PEMT: variants seen among roughly 807,000 people sequenced by gnomAD.
The protein encoded by PEMT is phosphatidylethanolamine N-methyltransferase.
In PEMT, 23 loss-of-function variants were observed where a neutral mutation model predicts 27.4. The ratio of observed to expected loss-of-function variants is 0.84; its 90% confidence interval spans 0.60 to 1.19. PEMT has a LOEUF of 1.19. Ranked by LOEUF, PEMT falls within the 50% of genes most tolerant of loss-of-function variation. PEMT has a pLI of 0.00. For missense variants in PEMT, 307 were observed against 310.1 expected (o/e 0.99, Z 0.07); for synonymous variants, 137 against 139.1 (o/e 0.98, Z 0.11).
chr17:17,585,858 G>C (rs1345279322), intron 1 of PEMT, among the ~76,000 whole-genome samples: 1 of 151,946 alleles, frequency 6.6e-6, no homozygotes, highest in African/African-American at 2.4e-5. Flanking sequence ...TGAGGCGGGC[G>C]TATCATGAAG....
intron 4 of PEMT, among the ~76,000 whole-genome samples, chr17:17,511,041 C>G (rs369798905): frequency 1.3e-4 from 20 of 152,194 alleles, no homozygotes; most frequent in Admixed American, 3.3e-4. Flanking sequence ...TGGGACCCCC[C>G]CTATGGCTCC....
rs565032482 is a variant in PEMT, at chr17:17,520,276, GC to G, written c.320+2003del. On this transcript the variant is annotated intron_variant, in intron 3 of 6. Transcript: ENST00000255389. ...CACTCTGCCGGTGGCCCAAGAGGCA[GC>G]ATGGGTAGGAAAGAGGCCCATCTCC... 1.2e-4 allele frequency among the ~76,000 whole-genome samples: 19 copies of G among 152,310 alleles called. No individual in the cohort carries two copies. The South Asian group carries it at 3.9e-3, about 32-fold the overall frequency.
chr17:17,563,192 C>T (rs962757866), intron 2 of PEMT, among the ~76,000 whole-genome samples: 5 of 152,016 alleles, frequency 3.3e-5, no homozygotes, highest in Admixed American at 6.5e-5. Context: ...CTGAGGCCCT[C>T]GGAGAGAAGC....
chr17:17,577,670 A>G (rs1309322727), intron 1 of PEMT, among the ~76,000 whole-genome samples: 2 of 149,930 alleles, frequency 1.3e-5, no homozygotes, highest in East Asian at 2.0e-4. Context: ...GAAATGAAGA[A>G]AAAAAAAAAA....
intron 1 of PEMT, among the ~76,000 whole-genome samples, chr17:17,584,534 T>C (rs558972922): frequency 5.9e-4 from 90 of 152,262 alleles, no homozygotes; most frequent in Non-Finnish European, 8.7e-4. Context: ...CTGGAACTCC[T>C]GGGCTCAAGT....
At chr17:17,556,197 T>G (rs546368891) in intron 2 of PEMT, among the ~76,000 whole-genome samples, 1 of 152,300 alleles carries the variant, frequency 6.6e-6, no homozygotes, top group African/African-American at 2.4e-5. Flanking sequence ...TGAGCATCCC[T>G]AAAACTCAGG....
rs28521687 is a variant in PEMT at position 17,562,719 on chromosome 17, G to C, written c.204+14201C>G. ...AGCTACTTGGGAGGCTGAGGTGGGA[G>C]AATTTCTTGAACCTGGGAGGCAGAG... On this transcript the variant is annotated intron_variant, in intron 2 of 6. Coordinates refer to ENST00000255389, the MANE Select transcript of PEMT (RefSeq NM_148172.3). Among the ~76,000 whole-genome samples the C allele has an allele frequency of 1.9e-3, 287 of 152,286 alleles. 1 individual carries two copies. Among genetic ancestry groups the C allele is most frequent in the African/African-American group, 6.7e-3 (280 of 41,550 alleles).
chr17:17,506,392 C>T (rs1238861230), intron 5 of PEMT, 91 bp from the exon 6 acceptor site: 23 of 992,214 alleles, frequency 2.3e-5, no homozygotes, highest in Non-Finnish European at 2.8e-5. Context: ...CCTGCCGTGA[C>T]CCTGGCCCTC....
At chr17:17,584,096 G>A (rs972213396) in intron 1 of PEMT, among the ~76,000 whole-genome samples, 3 of 152,190 alleles carry the variant, frequency 2.0e-5, no homozygotes, top group African/African-American at 4.8e-5. Context: ...GGCCCTGCTC[G>A]CCTCCACGCT....
In PEMT at chr17:17,580,238, G is replaced by A. The variant is rs146890784; in HGVS notation, c.97-3211C>T. ...TGGTGGCCTGTAATCCCAGCACTTT[G>A]GGAGGCTAGGCAGGCAGATCACAGG... On this transcript the variant is annotated intron_variant, in intron 1 of 6. Coordinates refer to ENST00000255389, the MANE Select transcript of PEMT (RefSeq NM_148172.3). Among the ~76,000 whole-genome samples the A allele has an allele frequency of 8.9e-3, 1,360 of 152,200 alleles. 27 individuals are homozygous for A. The highest frequency in any genetic ancestry group is 0.03 in the African/African-American group (1,260 of 41,518).
At chr17:17,541,838 A>G (rs1284539754) in intron 2 of PEMT, among the ~76,000 whole-genome samples, 1 of 152,186 alleles carries the variant, frequency 6.6e-6, no homozygotes. Flanking sequence ...CCAGAGAGAA[A>G]CGGCTGCTAC....
rs1188631214 is a variant in PEMT, at chr17:17,561,959, C to A, written c.204+14961G>T. ...TGGCGCAGGGCATGTGAGGGCACCC[C>A]AGGCTCCGGTGGGAGGGGCCTCAGG... On this transcript the variant is annotated intron_variant, in intron 2 of 6. Transcript: ENST00000255389. The surrounding 1 kb of genome is among the most constrained non-coding windows in gnomAD (Gnocchi z 4.5). Among the ~76,000 whole-genome samples, 2 of 152,238 alleles carry A rather than the reference C, an allele frequency of 1.3e-5. No homozygotes were observed. The highest frequency in any genetic ancestry group is 2.9e-5 in the Non-Finnish European group (2 of 68,034).
At chr17:17,584,128 C>G (rs1912117462) in intron 1 of PEMT, among the ~76,000 whole-genome samples, 2 of 152,184 alleles carry the variant, frequency 1.3e-5, no homozygotes, top group Non-Finnish European at 2.9e-5. Context: ...TCTCACTCCT[C>G]TGCTGGTTGT....
At chr17:17,527,668 G>GT (rs1192387200) in intron 2 of PEMT, among the ~76,000 whole-genome samples, 5 of 152,362 alleles carry the variant, frequency 3.3e-5, no homozygotes, top group Admixed American at 2.0e-4. Context: ...CGGTGCTGCT[G>GT]TTTGTTTTGT....
chr17:17,536,269 T>C (rs1207026700), intron 2 of PEMT, among the ~76,000 whole-genome samples: 1 of 152,224 alleles, frequency 6.6e-6, no homozygotes, highest in Non-Finnish European at 1.5e-5. Flanking sequence ...GGACACACAG[T>C]GAGTAAATGG....
At chr17:17,533,138 A>G (rs1908226677) in intron 2 of PEMT, among the ~76,000 whole-genome samples, 1 of 152,264 alleles carries the variant, frequency 6.6e-6, no homozygotes, top group Non-Finnish European at 1.5e-5. Context: ...AGGGATAGAC[A>G]TAGACCAATG....
intron 2 of PEMT, among the ~76,000 whole-genome samples, chr17:17,527,748 A>G (rs562100312): frequency 2.0e-5 from 3 of 152,330 alleles, no homozygotes; most frequent in East Asian, 3.9e-4. Context: ...GCCCCGGCAA[A>G]GCTGATGAAG....
At chr17:17,520,009 G>A (rs1452444556) in intron 3 of PEMT, among the ~76,000 whole-genome samples, 1 of 152,228 alleles carries the variant, frequency 6.6e-6, no homozygotes, top group Non-Finnish European at 1.5e-5. Context: ...GCTCTAGGGA[G>A]CAGGAGTGGT....
rs975027785 is a variant in PEMT at position 17,582,915 on chromosome 17, A to G, written c.97-5888T>C. 4.6e-5 allele frequency among the ~76,000 whole-genome samples: 7 copies of G among 152,146 alleles called. No homozygotes were observed. The highest frequency in any genetic ancestry group is 1.0e-4 in the Non-Finnish European group (7 of 68,016). ...CGTTTCTACTAAAAATACAAAAATT[A>G]GCTGGACATGGTGGTGCACGACTGT... On this transcript the variant is annotated intron_variant, in intron 1 of 6. Coordinates refer to ENST00000255389, the MANE Select transcript of PEMT (RefSeq NM_148172.3). This position sits in a 1 kb window ranked among gnomAD's most constrained non-coding sequence, Gnocchi z 4.9.
Sources: gnomAD v4.1 joint callset for allele counts (sites outside exome capture counted in the v4.1 genomes callset) on GRCh38, gnomAD v4.1.1 for gene constraint, Gnocchi (gnomAD v3.1) non-coding constraint, MANE v1.5 for transcripts, NCBI Gene and HGNC (gene_info 2026-07-23, HGNC 2026-07-21) for gene names.